DNAH11: variants seen among roughly 807,000 people sequenced by gnomAD.
The protein encoded by DNAH11 is axonemal beta dynein heavy chain 11.
In DNAH11, 442 loss-of-function variants were observed where a neutral mutation model predicts 526.0. The ratio of observed to expected loss-of-function variants is 0.84; its 90% CI spans 0.78 to 0.91. The LOEUF (loss-of-function observed/expected upper bound fraction) is 0.91. DNAH11 is among the 40% of genes least tolerant of loss of function. DNAH11 has a pLI of 0.00. For missense variants in DNAH11, 6,989 were observed against 5,448.7 expected (o/e 1.28, Z -8.90); for synonymous variants, 2,461 against 1,935.9 (o/e 1.27, Z -7.12).
rs60940743 is a variant in DNAH11 at position 21,564,132 on chromosome 7, GAAA to G, written c.983-42_983-40del. On this transcript the variant is annotated intron_variant, in intron 5 of 81. Transcript: ENST00000409508. ...CTCTTCTACATGTAAAGTGAATTTA[GAAA>G]AAAAAAAAAAACAAACCAGAATCAC... The G allele has an allele frequency of 1.0e-5, 12 of 1,148,878 alleles. No homozygotes were observed. In the Admixed American group the frequency reaches 1.5e-4, roughly 14 times the overall value. 71.2% of individuals were successfully genotyped at this position (1,148,878 alleles called of 1,614,324 possible).
intron 51 of DNAH11, among the ~76,000 whole-genome samples, chr7:21,747,295 C>T (rs1488444745): frequency 6.6e-6 from 1 of 152,124 alleles, no homozygotes; most frequent in Non-Finnish European, 1.5e-5. Flanking sequence ...TTCTCTGTTA[C>T]TGGAGGTTTT....
intron 77 of DNAH11, among the ~76,000 whole-genome samples, chr7:21,893,305 CGT>C (rs1583819196): frequency 3.3e-5 from 5 of 152,196 alleles, no homozygotes; most frequent in African/African-American, 1.2e-4. Context: ...ACCAGCAGTG[CGT>C]GTGAGTTCCA....
chr7:21,859,482 A>C (rs1250977074), intron 68 of DNAH11, among the ~76,000 whole-genome samples: 2 of 152,222 alleles, frequency 1.3e-5, no homozygotes, highest in East Asian at 3.8e-4. Flanking sequence ...GCAAATATTC[A>C]AACATCTGAA....
rs943703703 is a variant in DNAH11 at position 21,619,200 on chromosome 7, T to C, written c.4355T>C (p.Val1452Ala). 3 of 1,613,046 alleles carry C rather than the reference T, an allele frequency of 1.9e-6. No homozygotes were observed. In the African/African-American group the frequency reaches 4.0e-5, roughly 22 times the overall value. ...GTCCGAAGGATTGTGGACAAGGCGG[T>C]GAAAGAGCTGGGGACTGAGAAGGTA... Reference protein sequence around the residue: ...DDVRRIVDKAVKELGTEKVIT... With the variant: ...DDVRRIVDKAAKELGTEKVIT... The change falls in exon 24 of 82, where the codon GTG becomes GCG. Residue 1452 changes from valine to alanine, a missense_variant. Coordinates refer to ENST00000409508, the MANE Select transcript of DNAH11 (RefSeq NM_001277115.2).
chr7:21,720,776 G>A lies in DNAH11; in HGVS notation c.7186G>A (p.Asp2396Asn), dbSNP rs1267150542. ...CLLTPENVPS[D>N]SPKEVYEVYF... ...GCTGACTCCTGAAAATGTACCTTCT[G>A]ACAGCCCAAAAGAAGTTTATGAAGT... The change falls in exon 44 of 82, where the codon GAC becomes AAC. Residue 2396 changes from aspartate (D) to asparagine (N), a missense_variant. By Grantham distance (23) the Asp-to-Asn change is conservative. Transcript: ENST00000409508. 25 of 1,603,074 alleles carry A rather than the reference G, an allele frequency of 1.6e-5. No homozygotes were observed. Among genetic ancestry groups the A allele is most frequent in the Non-Finnish European group, 2.0e-5 (24 of 1,174,292 alleles).
chr7:21,715,939 T>C (rs1041845644), intron 42 of DNAH11, among the ~76,000 whole-genome samples: 1 of 151,334 alleles, frequency 6.6e-6, no homozygotes, highest in African/African-American at 2.4e-5. Context: ...GACTTTTTTC[T>C]GGAGCACCTC....
intron 25 of DNAH11, among the ~76,000 whole-genome samples, chr7:21,634,285 A>G (rs373265901): frequency 2.0e-5 from 3 of 152,226 alleles, no homozygotes; most frequent in African/African-American, 7.2e-5. Flanking sequence ...GATGAACTAG[A>G]TAAAGAGACT....
chr7:21,581,263 A>G (rs1207156488), intron 8 of DNAH11, among the ~76,000 whole-genome samples: 1 of 152,166 alleles, frequency 6.6e-6, no homozygotes, highest in Non-Finnish European at 1.5e-5. Flanking sequence ...GATAATAGTT[A>G]TTCTTTCACC....
chr7:21,600,956 G>T (rs918764060), intron 16 of DNAH11, 26 bp downstream of exon 16: 1 of 1,611,910 alleles, frequency 6.2e-7, no homozygotes, highest in Non-Finnish European at 8.5e-7. Context: ...AGCATTTAAT[G>T]TAGTGAAATG....
At chr7:21,863,287 G>C in intron 69 of DNAH11, among the ~76,000 whole-genome samples, 1 of 152,186 alleles carries the variant, frequency 6.6e-6, no homozygotes, top group South Asian at 2.1e-4. Context: ...GATGAACTGT[G>C]TATGTAATAA....
chr7:21,896,033 C>G (rs999285443), intron 79 of DNAH11, among the ~76,000 whole-genome samples: 3 of 152,188 alleles, frequency 2.0e-5, no homozygotes, highest in African/African-American at 7.2e-5. Flanking sequence ...CTGGCCCACA[C>G]TTTTGATTTT....
intron 76 of DNAH11, among the ~76,000 whole-genome samples, chr7:21,889,853 G>C (rs578033263): frequency 2.0e-5 from 3 of 152,274 alleles, no homozygotes; most frequent in Admixed American, 2.0e-4. Context: ...AAAAAGTCTT[G>C]AGTGGGAAAG....
chr7:21,585,403 A>C (rs2062725783), intron 9 of DNAH11, among the ~76,000 whole-genome samples: 1 of 152,200 alleles, frequency 6.6e-6, no homozygotes, highest in South Asian at 2.1e-4. Context: ...TGATGAGCTC[A>C]GACCATTTAC....
At chr7:21,595,217 T>A (rs902328770) in intron 14 of DNAH11, among the ~76,000 whole-genome samples, 2 of 152,176 alleles carry the variant, frequency 1.3e-5, no homozygotes, top group African/African-American at 4.8e-5. Context: ...ATGGAGGAAG[T>A]TCCCCTGGGC....
At position 21,642,356 on chromosome 7, in the gene DNAH11, G is replaced by T. The variant is rs539694722; in HGVS notation, c.4944+3291G>T. The stretch of plus-strand genomic sequence containing the variant: ...ATTTGAGTCATCTAGAGCCATAGTC[G>T]GCTTCTTTCCCTGAAAGAAATGGTT... On this transcript the variant is annotated intron_variant, in intron 28 of 81. Transcript: ENST00000409508. 4.6e-5 allele frequency among the ~76,000 whole-genome samples: 7 copies of T among 152,142 alleles called. No homozygotes were observed. In the East Asian group the frequency reaches 1.4e-3, roughly 29 times the overall value.
chr7:21,806,409 C>G (rs1348987459), intron 62 of DNAH11, among the ~76,000 whole-genome samples: 1 of 152,176 alleles, frequency 6.6e-6, no homozygotes, highest in East Asian at 1.9e-4. Flanking sequence ...GGCTAGAGAG[C>G]TGAAGTTCCT....
chr7:21,649,595 T>C (rs1787532981), intron 28 of DNAH11, among the ~76,000 whole-genome samples: 1 of 152,022 alleles, frequency 6.6e-6, no homozygotes, highest in Non-Finnish European at 1.5e-5. Flanking sequence ...TAATGTCCCT[T>C]TTTAGAGAAA....
intron 26 of DNAH11, among the ~76,000 whole-genome samples, chr7:21,637,119 ATC>A (rs1233783166): frequency 6.6e-6 from 1 of 151,916 alleles, no homozygotes; most frequent in Non-Finnish European, 1.5e-5. Flanking sequence ...GATTGTTTAT[ATC>A]TCTCTCATTT....
chr7:21,544,940 G>A, intron 1 of DNAH11, 66 bp from the exon 2 acceptor site: 4 of 1,354,994 alleles, frequency 3.0e-6, no homozygotes, highest in Non-Finnish European at 3.0e-6. Context: ...GCTACAAGTT[G>A]GATATAGTAA....
Sources: gnomAD v4.1 joint callset for allele counts (sites outside exome capture counted in the v4.1 genomes callset) on GRCh38, gnomAD v4.1.1 for gene constraint, MANE v1.5 for transcripts, NCBI Gene and HGNC (gene_info 2026-07-23, HGNC 2026-07-21) for gene names.